ZRANB3: variants seen among roughly 807,000 people sequenced by gnomAD.
The protein encoded by ZRANB3 is zinc finger RANBP2-type containing 3.
In ZRANB3, 125 loss-of-function variants were observed where a neutral mutation model predicts 133.8. The observed-to-expected ratio is 0.93, with a 90% confidence interval of 0.81 to 1.08. The LOEUF (loss-of-function observed/expected upper bound fraction) is 1.08, where lower values mean the gene tolerates loss of function less well. ZRANB3 is among the 50% of genes least tolerant of loss of function. The pLI, the probability that ZRANB3 is intolerant of heterozygous loss-of-function variation, is 0.00. For missense variants in ZRANB3, 1,229 were observed against 1,275.5 expected (o/e 0.96, Z 0.56); for synonymous variants, 387 against 432.7 (o/e 0.89, Z 1.31).
In ZRANB3 at chr2:135,245,926, C is replaced by CAAAAAAAAAAAA. The variant is rs1177438717; in HGVS notation, c.1540-15011_1540-15000dup. 1.6e-3 allele frequency among the ~76,000 whole-genome samples: 31 copies of CAAAAAAAAAAAA among 19,552 alleles called. 2 individuals carry two copies. Among genetic ancestry groups the CAAAAAAAAAAAA allele is most frequent in the Admixed American group, 2.9e-3 (3 of 1,038 alleles). The allele number at this position is 19,552 out of a possible 152,430, so 12.8% of individuals were successfully genotyped here. ...GGGCAACGAGATTGAAACTCCGTCT[C>CAAAAAAAAAAAA]AAAAAAAAAAAAAAAAAAAAAAGAG... On this transcript the variant is annotated intron_variant, in intron 12 of 20. Coordinates refer to ENST00000264159, the MANE Select transcript of ZRANB3 (RefSeq NM_032143.4).
At chr2:135,371,721 A>G (rs893634978) in intron 3 of ZRANB3, among the ~76,000 whole-genome samples, 7 of 152,176 alleles carry the variant, frequency 4.6e-5, no homozygotes, top group Admixed American at 2.6e-4. Flanking sequence ...AGACATTTTA[A>G]TAAAGTTTTT....
chr2:135,298,644 G>A (rs1682280865), intron 8 of ZRANB3, among the ~76,000 whole-genome samples: 1 of 152,182 alleles, frequency 6.6e-6, no homozygotes, highest in African/African-American at 2.4e-5. Context: ...GTACTGGGAA[G>A]TGTCTGCAAA....
At chr2:135,326,563 C>CTAT (rs1378862924) in intron 6 of ZRANB3, among the ~76,000 whole-genome samples, 3 of 151,836 alleles carry the variant, frequency 2.0e-5, no homozygotes, top group Non-Finnish European at 4.4e-5. Context: ...TTTGCTGCAC[C>CTAT]TATTAACCCA....
chr2:135,451,823 G>C (rs767573705), intron 2 of ZRANB3, among the ~76,000 whole-genome samples: 6 of 152,190 alleles, frequency 3.9e-5, no homozygotes, highest in Non-Finnish European at 7.4e-5. Flanking sequence ...TTTGAGATAT[G>C]TGACGCACAA....
At chr2:135,203,045 T>A in intron 19 of ZRANB3, 82 bp from the exon 20 acceptor site, 1 of 1,497,806 alleles carries the variant, frequency 6.7e-7, no homozygotes, top group South Asian at 1.2e-5. Context: ...CAATCATGTA[T>A]GTTTATACAG....
At chr2:135,235,081 G>C (rs915419612) in intron 12 of ZRANB3, among the ~76,000 whole-genome samples, 1 of 151,832 alleles carries the variant, frequency 6.6e-6, no homozygotes, top group Admixed American at 6.6e-5. Flanking sequence ...TCAAATAGAC[G>C]CAATAAAAAA....
chr2:135,522,971 A>G (rs1694010558), intron 1 of ZRANB3, among the ~76,000 whole-genome samples: 2 of 152,230 alleles, frequency 1.3e-5, no homozygotes, highest in South Asian at 4.1e-4. Flanking sequence ...AGGCTACCAC[A>G]AATAGTCCAG....
chr2:135,321,084 A>T (rs183392773), intron 6 of ZRANB3, among the ~76,000 whole-genome samples: 2 of 152,334 alleles, frequency 1.3e-5, no homozygotes, highest in East Asian at 1.9e-4. Context: ...GTTTTAGGTG[A>T]TTATAAATAA....
intron 8 of ZRANB3, among the ~76,000 whole-genome samples, chr2:135,277,164 CT>C (rs1680865594): frequency 6.6e-6 from 1 of 152,080 alleles, no homozygotes; most frequent in South Asian, 2.1e-4. Context: ...TTCCCCTATA[CT>C]TCCCAAAACA....
chr2:135,257,597 TTTTTA>T (rs1679725560), intron 12 of ZRANB3, among the ~76,000 whole-genome samples: 1 of 152,232 alleles, frequency 6.6e-6, no homozygotes, highest in Non-Finnish European at 1.5e-5. Flanking sequence ...ATACTTGTCT[TTTTTA>T]TTTTAGTCAT....
rs1683207655 is a variant in ZRANB3, at chr2:135,315,501, C to T, written c.707G>A (p.Cys236Tyr). 6.4e-7 allele frequency: 1 copy of T among 1,570,156 alleles called. No homozygotes were observed. The highest frequency in any genetic ancestry group is 1.4e-5 in the African/African-American group (1 of 72,804). Residue 236 changes from cysteine to tyrosine, a missense_variant, in exon 7 of 21, where the codon TGT becomes TAT. Coordinates refer to ENST00000264159, the MANE Select transcript of ZRANB3 (RefSeq NM_032143.4). ...TTCATTAAGATTTGATGCCCCTCTA[C>T]AATCCCACTGAGGTCTTTTACCAAA... ...RYFGKRPQWD[C>Y]RGASNLNELH...
At chr2:135,304,953 G>A (rs1573874266) in intron 8 of ZRANB3, among the ~76,000 whole-genome samples, 3 of 151,736 alleles carry the variant, frequency 2.0e-5, no homozygotes, top group African/African-American at 4.8e-5. Flanking sequence ...AGTTTTATTC[G>A]TTCAAAACAA....
intron 6 of ZRANB3, among the ~76,000 whole-genome samples, chr2:135,335,441 C>T (rs1684327122): frequency 6.6e-6 from 1 of 152,060 alleles, no homozygotes; most frequent in African/African-American, 2.4e-5. Flanking sequence ...CCTGTAAATC[C>T]TAGCATTTTG....
intron 6 of ZRANB3, 34 bp downstream of exon 6, chr2:135,345,516 G>T: frequency 6.8e-7 from 1 of 1,463,346 alleles, no homozygotes; most frequent in Non-Finnish European, 9.5e-7. Flanking sequence ...GTAAACATGT[G>T]AGGAAAAAAT....
chr2:135,393,882 G>C (rs1411402565), intron 2 of ZRANB3, among the ~76,000 whole-genome samples: 2 of 151,824 alleles, frequency 1.3e-5, no homozygotes. Flanking sequence ...TTTTTAGATG[G>C]AGTCTCACTC....
intron 3 of ZRANB3, among the ~76,000 whole-genome samples, chr2:135,355,971 T>C (rs1052052548): frequency 2.0e-5 from 3 of 152,204 alleles, no homozygotes; most frequent in African/African-American, 4.8e-5. Context: ...CTAAATTTAC[T>C]TGGTGCCAGT....
At chr2:135,302,334 G>A (rs1346260773) in intron 8 of ZRANB3, among the ~76,000 whole-genome samples, 1 of 152,130 alleles carries the variant, frequency 6.6e-6, no homozygotes, top group Non-Finnish European at 1.5e-5. Flanking sequence ...TATTAGAGAG[G>A]GAATGAAAAA....
intron 12 of ZRANB3, among the ~76,000 whole-genome samples, chr2:135,255,157 C>A (rs140566821): frequency 6.4e-4 from 97 of 152,046 alleles, no homozygotes; most frequent in African/African-American, 2.2e-3. Context: ...ACACTAGGAC[C>A]CAAAAGACCA....
chr2:135,296,600 C>T (rs574508398), intron 8 of ZRANB3, among the ~76,000 whole-genome samples: 1 of 152,318 alleles, frequency 6.6e-6, no homozygotes, highest in Non-Finnish European at 1.5e-5. Flanking sequence ...GTTCTCCATC[C>T]AGCTTTGTTC....
Sources: gnomAD v4.1 joint callset for allele counts (sites outside exome capture counted in the v4.1 genomes callset) on GRCh38, gnomAD v4.1.1 for gene constraint, MANE v1.5 for transcripts, NCBI Gene and HGNC (gene_info 2026-07-23, HGNC 2026-07-21) for gene names.